The following PCDHGA9 variants were observed in gnomAD, a reference collection of about 807,000 sequenced individuals.
PCDHGA9 encodes protocadherin gamma subfamily A, 9, also known as protocadherin gamma-A9.
PCDHGA9 carries 37 observed loss-of-function variants against 62.5 expected under a neutral mutation model. That is an observed-to-expected ratio of 0.59 (90% CI 0.46 to 0.78). PCDHGA9 has a LOEUF of 0.78. PCDHGA9 is among the 30% of genes least tolerant of loss of function. PCDHGA9 has a pLI of 0.00. For missense variants in PCDHGA9, 1,138 were observed against 1,166.2 expected, an observed-to-expected ratio of 0.98 and a Z score of 0.35; for synonymous variants, 459 against 484.6, an observed-to-expected ratio of 0.95 and a Z score of 0.69.
intron 1 of PCDHGA9, chr5:141,410,390 G>A: frequency 6.2e-7 from 1 of 1,614,012 alleles, no homozygotes; most frequent in South Asian, 1.1e-5. Flanking sequence ...CTTCCATCCT[G>A]GTCTCTGTGT....
chr5:141,422,928 C>T lies in PCDHGA9; in HGVS notation c.2424+17552C>T, dbSNP rs781145334. 4 of 1,614,128 alleles carry T rather than the reference C, an allele frequency of 2.5e-6. No individual in the cohort carries two copies. In the African/African-American group the frequency reaches 4.0e-5, roughly 16 times the overall value. On this transcript the variant is annotated intron_variant, in intron 1 of 3. Transcript: ENST00000573521. ...ATGCGCCCGAGATCCTGTACCCTGC[C>T]CTCCCCACAGACGGCTCCACTGGCG...
At chr5:141,446,985 C>T (rs1411339328) in intron 1 of PCDHGA9, among the ~76,000 whole-genome samples, 1 of 152,064 alleles carries the variant, frequency 6.6e-6, no homozygotes, top group Non-Finnish European at 1.5e-5. Context: ...AATTCATACT[C>T]CACTCTTCAG....
At position 141,511,235 on chromosome 5, in the gene PCDHGA9, C is replaced by G; in HGVS notation, c.*62C>G. On this transcript the variant is annotated 3_prime_UTR_variant, in exon 4 of 4. Transcript: ENST00000573521. ...CCCCAACCAGCCCAGCTTCTCCTTA[C>G]CTGCACCCAGGCCTCAGAGTTTCAG... 2 of 1,592,936 alleles carry G rather than the reference C, an allele frequency of 1.3e-6. No homozygotes were observed. The highest frequency in any genetic ancestry group is 1.7e-6 in the Non-Finnish European group (2 of 1,169,652).
At position 141,493,444 on chromosome 5, in the gene PCDHGA9, G is replaced by T. The variant is rs2099748313; in HGVS notation, c.2425-1363G>T. On this transcript the variant is annotated intron_variant, in intron 1 of 3. Transcript: ENST00000573521. This position sits in a 1 kb window ranked among gnomAD's most constrained non-coding sequence, Gnocchi z 4.3. ...GCTTCTGCTGGGATGGGGCAAGGGT[G>T]GGGTTCCTTCCCTTTTAGGACCTTA... Among the ~76,000 whole-genome samples, 1 of 152,174 alleles carries T rather than the reference G, an allele frequency of 6.6e-6. No homozygotes were observed. Among genetic ancestry groups the T allele is most frequent in the South Asian group, 2.1e-4 (1 of 4,826 alleles).
Position 141,477,197 on chromosome 5 carries a change from G to C in PCDHGA9, c.2425-17610G>C, listed in dbSNP as rs781504885. 6.2e-7 allele frequency: 1 copy of C among 1,614,210 alleles called. No homozygotes were observed. Among genetic ancestry groups the C allele is most frequent in the South Asian group, 1.1e-5 (1 of 91,082 alleles). On this transcript the variant is annotated intron_variant, in intron 1 of 3. Transcript: ENST00000573521. The surrounding 1 kb of genome is among the most constrained non-coding windows in gnomAD (Gnocchi z 4.9). ...CACAGTCACCTCCGTGTACAGCCCA[G>C]TACCCGAGGATGCCCCTCTGGGGAC...
intron 1 of PCDHGA9, among the ~76,000 whole-genome samples, chr5:141,472,980 CAAAAA>C (rs60579131): frequency 1.2e-5 from 1 of 86,106 alleles, no homozygotes; most frequent in African/African-American, 3.9e-5. Flanking sequence ...GAGTGAAACT[CAAAAA>C]AAAAAAAAAA....
chr5:141,478,143 A>T (rs759384540), intron 1 of PCDHGA9: 1 of 1,614,014 alleles, frequency 6.2e-7, no homozygotes, highest in Non-Finnish European at 8.5e-7. Flanking sequence ...GCCCGAGCCG[A>T]GTTCCCCTCT....
Position 141,477,685 on chromosome 5 carries a change from G to A in PCDHGA9, c.2425-17122G>A, listed in dbSNP as rs1218415502. ...ACAATGGCATAGTGTCATCCTTAGT[G>A]CCCCTAGACTATGAGGATCGGCGGG... On this transcript the variant is annotated intron_variant, in intron 1 of 3. Transcript: ENST00000573521. This position sits in a 1 kb window ranked among gnomAD's most constrained non-coding sequence, Gnocchi z 4.9. The A allele has an allele frequency of 6.2e-7, 1 of 1,614,116 alleles. No individual in the cohort carries two copies. The highest frequency in any genetic ancestry group is 8.5e-7 in the Non-Finnish European group (1 of 1,180,040).
At chr5:141,410,142 G>C in intron 1 of PCDHGA9, 1 of 1,612,730 alleles carries the variant, frequency 6.2e-7, no homozygotes, top group African/African-American at 1.3e-5. Context: ...GTCGCTGTGC[G>C]TGACGGTGGA....
chr5:141,489,558 G>A lies in PCDHGA9; in HGVS notation c.2425-5249G>A. On this transcript the variant is annotated intron_variant, in intron 1 of 3. Coordinates refer to ENST00000573521, the MANE Select transcript of PCDHGA9 (RefSeq NM_018921.3). The surrounding 1 kb of genome is among the most constrained non-coding windows in gnomAD (Gnocchi z 4.5). ...CCAGCACCAGCTGCCTGCTGCCAGT[G>A]CAGGTGGTGACTGAACACCCCCTGG... 1 of 1,614,130 alleles carries A rather than the reference G, an allele frequency of 6.2e-7. No individual in the cohort carries two copies. Among genetic ancestry groups the A allele is most frequent in the Non-Finnish European group, 8.5e-7 (1 of 1,180,024 alleles).
intron 1 of PCDHGA9, chr5:141,428,212 C>A (rs1295973505): frequency 8.0e-7 from 1 of 1,255,000 alleles, no homozygotes; most frequent in Non-Finnish European, 1.1e-6. Context: ...TACGCTTCAC[C>A]TAGTCTTCGC....
intron 1 of PCDHGA9, among the ~76,000 whole-genome samples, chr5:141,494,463 C>G (rs1178793763): frequency 6.6e-6 from 1 of 152,154 alleles, no homozygotes; most frequent in Non-Finnish European, 1.5e-5. Context: ...TTGTCTGCAC[C>G]TCTTCCCCCA....
Position 141,485,331 on chromosome 5 carries a change from T to C in PCDHGA9, c.2425-9476T>C, listed in dbSNP as rs1203054851. On this transcript the variant is annotated intron_variant, in intron 1 of 3. Transcript: ENST00000573521. This position sits in a 1 kb window ranked among gnomAD's most constrained non-coding sequence, Gnocchi z 5.7. Reference sequence around the variant, plus strand: ...GTAGGGAATGTCGCTCAAGATTTCCTGCTGGATACGGACAGTCTGTCAGCT... The same window carrying C: ...GTAGGGAATGTCGCTCAAGATTTCCCGCTGGATACGGACAGTCTGTCAGCT... 6.2e-7 allele frequency: 1 copy of C among 1,614,048 alleles called. No individual in the cohort carries two copies. Among genetic ancestry groups the C allele is most frequent in the African/African-American group, 1.3e-5 (1 of 74,902 alleles).
intron 1 of PCDHGA9, among the ~76,000 whole-genome samples, chr5:141,447,279 A>G (rs1394174534): frequency 1.3e-5 from 2 of 152,156 alleles, no homozygotes; most frequent in African/African-American, 4.8e-5. Flanking sequence ...AGCTGGGACT[A>G]CAGGCACATG....
chr5:141,426,722 T>G (rs1022367359), intron 1 of PCDHGA9: 1 of 447,734 alleles, frequency 2.2e-6, no homozygotes, highest in Non-Finnish European at 4.6e-6. Context: ...AACTAGCAAT[T>G]CCAGGCATTC....
rs777168071 is a variant in PCDHGA9 at position 141,477,745 on chromosome 5, C to A, written c.2425-17062C>A. The A allele has an allele frequency of 5.0e-6, 8 of 1,613,682 alleles. No homozygotes were observed. The highest frequency in any genetic ancestry group is 6.8e-6 in the Non-Finnish European group (8 of 1,180,042). On this transcript the variant is annotated intron_variant, in intron 1 of 3. Transcript: ENST00000573521. The surrounding 1 kb of genome is among the most constrained non-coding windows in gnomAD (Gnocchi z 4.9). ...TAACAGCTCATATCAGCGATGGGGG[C>A]ACCCCGGTCCTAGCCACCAACATCA...
chr5:141,423,264 C>T (rs1452323474), intron 1 of PCDHGA9: 6 of 1,613,868 alleles, frequency 3.7e-6, no homozygotes, highest in Non-Finnish European at 5.1e-6. Context: ...TCGGCAGCCT[C>T]GAGTCTCTGG....
rs2099412065 is a variant in PCDHGA9, at chr5:141,477,502, C to T, written c.2425-17305C>T. On this transcript the variant is annotated intron_variant, in intron 1 of 3. Coordinates refer to ENST00000573521, the MANE Select transcript of PCDHGA9 (RefSeq NM_018921.3). This position sits in a 1 kb window ranked among gnomAD's most constrained non-coding sequence, Gnocchi z 4.9. ...CTCCACAATCTTCTCAATCTTCCTACGACGTTTACATTGAAGAAAACAACC... is the reference window on the plus strand; with the variant it reads ...CTCCACAATCTTCTCAATCTTCCTATGACGTTTACATTGAAGAAAACAACC... 2 of 1,614,144 alleles carry T rather than the reference C, an allele frequency of 1.2e-6. No homozygotes were observed. Among genetic ancestry groups the T allele is most frequent in the Non-Finnish European group, 1.7e-6 (2 of 1,180,018 alleles).
chr5:141,433,823 G>T (rs555746621), intron 1 of PCDHGA9, among the ~76,000 whole-genome samples: 2 of 144,288 alleles, frequency 1.4e-5, no homozygotes, highest in Non-Finnish European at 3.0e-5. Context: ...GGCAACAAGA[G>T]TGAAACTCTA....
Sources: gnomAD v4.1 joint callset for allele counts (sites outside exome capture counted in the v4.1 genomes callset) on GRCh38, gnomAD v4.1.1 for gene constraint, Gnocchi (gnomAD v3.1) non-coding constraint, MANE v1.5 for transcripts, NCBI Gene and HGNC (gene_info 2026-07-23, HGNC 2026-07-21) for gene names.